The following FLRT1 variants were observed in gnomAD, a reference collection of about 807,000 sequenced individuals.
The protein encoded by FLRT1 is fibronectin leucine rich transmembrane protein 1.
Under a neutral mutation model 30.9 loss-of-function variants are expected in FLRT1, and 14 were observed. The observed-to-expected ratio is 0.45, with a 90% CI of 0.30 to 0.71. The LOEUF (loss-of-function observed/expected upper bound fraction) is 0.71. Among genes scored for constraint, FLRT1 ranks in the 30% least tolerant of loss-of-function variants. The pLI is 0.08. For missense variants in FLRT1, 737 were observed against 949.2 expected (o/e 0.78, Z 2.94); for synonymous variants, 368 against 430.4 (o/e 0.85, Z 1.80).
At chr11:64,112,761 G>GTTCTCAC (rs1944885429) in intron 2 of FLRT1, among the ~76,000 whole-genome samples, 1 of 152,216 alleles carries the variant, frequency 6.6e-6, no homozygotes, top group Non-Finnish European at 1.5e-5. Context: ...GCTGCAGTCA[G>GTTCTCAC]TGAGAGGGGA....
At chr11:64,102,883 A>G (rs768297007) in intron 1 of FLRT1, among the ~76,000 whole-genome samples, 10 of 151,968 alleles carry the variant, frequency 6.6e-5, no homozygotes, top group Non-Finnish European at 1.5e-4. Flanking sequence ...TCTGGCCAAT[A>G]TGGTGAAACC....
Position 64,096,768 on chromosome 11 carries a change from G to A in FLRT1, c.-1037-6426G>A, listed in dbSNP as rs1290021984. On this transcript the variant is annotated intron_variant, in intron 1 of 2. Coordinates refer to ENST00000682287, the MANE Select transcript of FLRT1 (RefSeq NM_013280.5). This position sits in a 1 kb window ranked among gnomAD's most constrained non-coding sequence, Gnocchi z 4.6. ...CTCTGTGAAGGGGCAGGCTCTGGCC[G>A]CAGTGCCCCTCCCTGAGGGGAAGAG... is the stretch of plus-strand genomic sequence containing the variant. 1.3e-5 allele frequency among the ~76,000 whole-genome samples: 2 copies of A among 152,168 alleles called. No homozygotes were observed. The highest frequency in any genetic ancestry group is 2.9e-5 in the Non-Finnish European group (2 of 68,022).
chr11:64,089,873 G>A (rs563231079), intron 1 of FLRT1, among the ~76,000 whole-genome samples: 2 of 152,302 alleles, frequency 1.3e-5, no homozygotes, highest in African/African-American at 4.8e-5. Flanking sequence ...TGCTGGAGTC[G>A]AGACCAGCTC....
chr11:64,060,165 G>A (rs1157439618), intron 1 of FLRT1, among the ~76,000 whole-genome samples: 1 of 152,250 alleles, frequency 6.6e-6, no homozygotes, highest in African/African-American at 2.4e-5. Context: ...TATTTAAGGC[G>A]CGGACGGCGG....
intron 1 of FLRT1, among the ~76,000 whole-genome samples, chr11:64,088,142 T>C (rs987694671): frequency 6.6e-6 from 1 of 152,130 alleles, no homozygotes; most frequent in Admixed American, 6.5e-5. Flanking sequence ...CAGAAAGTGC[T>C]CTGCAAAAAT....
At chr11:64,101,820 C>T (rs1284170829) in intron 1 of FLRT1, among the ~76,000 whole-genome samples, 5 of 152,134 alleles carry the variant, frequency 3.3e-5, no homozygotes, top group East Asian at 1.9e-4. Context: ...ATCGATGTCC[C>T]GTGGGGCTTG....
At chr11:64,106,040 C>A (rs1203547392) in intron 2 of FLRT1, among the ~76,000 whole-genome samples, 2 of 152,246 alleles carry the variant, frequency 1.3e-5, no homozygotes, top group African/African-American at 4.8e-5. Flanking sequence ...TGGAGACAGA[C>A]AGGCAGTTGG....
Position 64,096,767 on chromosome 11 carries a change from C to T in FLRT1, c.-1037-6427C>T, listed in dbSNP as rs1053780961. On this transcript the variant is annotated intron_variant, in intron 1 of 2. Coordinates refer to ENST00000682287, the MANE Select transcript of FLRT1 (RefSeq NM_013280.5). This position sits in a 1 kb window ranked among gnomAD's most constrained non-coding sequence, Gnocchi z 4.6. ...GCTCTGTGAAGGGGCAGGCTCTGGC[C>T]GCAGTGCCCCTCCCTGAGGGGAAGA... Among the ~76,000 whole-genome samples, 5 of 152,192 alleles carry T rather than the reference C, an allele frequency of 3.3e-5. No individual in the cohort carries two copies. The highest frequency in any genetic ancestry group is 6.5e-5 in the Admixed American group (1 of 15,282).
intron 1 of FLRT1, among the ~76,000 whole-genome samples, chr11:64,060,995 G>A (rs545113822): frequency 5.5e-4 from 84 of 152,042 alleles, no homozygotes; most frequent in Admixed American, 2.4e-3. Context: ...GGCCGGCGTC[G>A]ACCTTCCCCG....
At chr11:64,097,689 C>T (rs1310881576) in intron 1 of FLRT1, among the ~76,000 whole-genome samples, 1 of 152,264 alleles carries the variant, frequency 6.6e-6, no homozygotes, top group Non-Finnish European at 1.5e-5. Context: ...TCCGCCTCTT[C>T]TCACCCTGCT....
chr11:64,111,546 T>A (rs1944862859), intron 2 of FLRT1, among the ~76,000 whole-genome samples: 1 of 152,186 alleles, frequency 6.6e-6, no homozygotes, highest in Non-Finnish European at 1.5e-5. Flanking sequence ...CTGGGCTGGC[T>A]GTGACCTTGG....
chr11:64,053,147 G>A (rs776902687), intron 1 of FLRT1, among the ~76,000 whole-genome samples: 3 of 152,324 alleles, frequency 2.0e-5, no homozygotes, highest in South Asian at 4.1e-4. Flanking sequence ...AGGCTCATGC[G>A]GGCCCCAGAC....
chr11:64,079,307 G>C (rs1944262310), intron 1 of FLRT1, among the ~76,000 whole-genome samples: 1 of 152,068 alleles, frequency 6.6e-6, no homozygotes, highest in African/African-American at 2.4e-5. Context: ...GATGCCTCTG[G>C]GAATGAGACA....
At chr11:64,047,501 C>T (rs866556196) in intron 1 of FLRT1, among the ~76,000 whole-genome samples, 2 of 152,268 alleles carry the variant, frequency 1.3e-5, no homozygotes, top group Middle Eastern at 6.8e-3. Context: ...TCCCTGAGCC[C>T]TCCTCACCTG....
intron 1 of FLRT1, among the ~76,000 whole-genome samples, chr11:64,054,368 A>T (rs1425808350): frequency 2.6e-5 from 4 of 152,198 alleles, no homozygotes; most frequent in Non-Finnish European, 5.9e-5. Context: ...TCTCCAGGAG[A>T]CTGAGTGCTT....
At position 64,116,225 on chromosome 11, in the gene FLRT1, A is replaced by G; in HGVS notation, c.-43A>G. 6.4e-7 allele frequency: 1 copy of G among 1,562,162 alleles called. No individual in the cohort carries two copies. Among genetic ancestry groups the G allele is most frequent in the Non-Finnish European group, 8.6e-7 (1 of 1,159,610 alleles). Reference sequence around the variant, plus strand: ...TGTCCTGTGCTCCTTGCAGGTATTCAGGCTCCAGGCCAGGTGGGGCCGGAC... The same window carrying G: ...TGTCCTGTGCTCCTTGCAGGTATTCGGGCTCCAGGCCAGGTGGGGCCGGAC... On this transcript the variant is annotated 5_prime_UTR_variant, in exon 3 of 3. Coordinates refer to ENST00000682287, the MANE Select transcript of FLRT1 (RefSeq NM_013280.5).
At position 64,090,661 on chromosome 11, in the gene FLRT1, C is replaced by A. The variant is rs1419285328; in HGVS notation, c.-1037-12533C>A. 6.6e-6 allele frequency among the ~76,000 whole-genome samples: 1 copy of A among 152,154 alleles called. No homozygotes were observed. Among genetic ancestry groups the A allele is most frequent in the East Asian group, 1.9e-4 (1 of 5,184 alleles). On this transcript the variant is annotated intron_variant, in intron 1 of 2. Transcript: ENST00000682287. The surrounding 1 kb of genome is among the most constrained non-coding windows in gnomAD (Gnocchi z 4.7). ...GCGCAGCCCCAGGCCTTGTCCCCAG[C>A]CACCAACAGACCACTTCTCTGAGGC... is the stretch of plus-strand genomic sequence containing the variant.
At chr11:64,071,959 C>A (rs1039620142) in intron 1 of FLRT1, among the ~76,000 whole-genome samples, 1 of 152,214 alleles carries the variant, frequency 6.6e-6, no homozygotes, top group Non-Finnish European at 1.5e-5. Flanking sequence ...CTGGAGAGGC[C>A]TCAGCTGCCG....
At chr11:64,085,188 C>T (rs1047926274) in intron 1 of FLRT1, among the ~76,000 whole-genome samples, 13 of 152,122 alleles carry the variant, frequency 8.5e-5, no homozygotes, top group South Asian at 2.1e-4. Context: ...TGGAGGAGCA[C>T]GCCCGAGTGG....
Sources: gnomAD v4.1 joint callset for allele counts (sites outside exome capture counted in the v4.1 genomes callset) on GRCh38, gnomAD v4.1.1 for gene constraint, Gnocchi (gnomAD v3.1) non-coding constraint, MANE v1.5 for transcripts, NCBI Gene and HGNC (gene_info 2026-07-23, HGNC 2026-07-21) for gene names.